The following GTF3C6 variants were observed in gnomAD, a reference collection of about 807,000 sequenced individuals.
GTF3C6 encodes general transcription factor 3C polypeptide 6.
GTF3C6 carries 11 observed loss-of-function variants against 19.2 expected under a neutral mutation model. The observed-to-expected ratio is 0.57, with a 90% confidence interval of 0.36 to 0.95. The LOEUF (loss-of-function observed/expected upper bound fraction) is 0.95. Among genes scored for constraint, GTF3C6 ranks in the 40% least tolerant of loss-of-function variants. The pLI is 0.01. For missense variants in GTF3C6, 222 were observed against 254.7 expected (o/e 0.87, Z 0.87); for synonymous variants, 87 against 84.2 (o/e 1.03, Z -0.18).
At chr6:110,961,552 TC>T (rs1771160726) in intron 4 of GTF3C6, among the ~76,000 whole-genome samples, 2 of 152,318 alleles carry the variant, frequency 1.3e-5, no homozygotes, top group Admixed American at 1.3e-4. Flanking sequence ...TGTCTGTGCT[TC>T]ATATCCTTGG....
chr6:110,959,968 A>C (rs202128515), intron 2 of GTF3C6, among the ~76,000 whole-genome samples: 7 of 151,480 alleles, frequency 4.6e-5, no homozygotes, highest in Non-Finnish European at 8.8e-5. Flanking sequence ...CAATAAAAAA[A>C]AAAAATAATA....
chr6:110,959,730 C>T (rs939171859), intron 2 of GTF3C6, among the ~76,000 whole-genome samples: 5 of 152,006 alleles, frequency 3.3e-5, no homozygotes, highest in African/African-American at 1.2e-4. Flanking sequence ...GAGGCCGAGG[C>T]GGGTAGATCA....
At chr6:110,959,954 A>G (rs1429111777) in intron 2 of GTF3C6, among the ~76,000 whole-genome samples, 4 of 138,890 alleles carry the variant, frequency 2.9e-5, no homozygotes, top group Admixed American at 2.8e-4. Context: ...GCAAAACTCC[A>G]TCTCAATAAA....
chr6:110,963,991 C>T (rs1279787074), intron 5 of GTF3C6, among the ~76,000 whole-genome samples: 1 of 151,878 alleles, frequency 6.6e-6, no homozygotes, highest in East Asian at 1.9e-4. Flanking sequence ...TGTGAGCCAC[C>T]GCCCCTGGCC....
At position 110,959,441 on chromosome 6, in the gene GTF3C6, G is replaced by C. The variant is rs564809003; in HGVS notation, c.138+189G>C. Among the ~76,000 whole-genome samples, 5 of 152,250 alleles carry C rather than the reference G, an allele frequency of 3.3e-5. 1 individual carries two copies. The highest frequency in any genetic ancestry group is 3.3e-4 in the Admixed American group (5 of 15,286). On this transcript the variant is annotated intron_variant, in intron 2 of 5. Transcript: ENST00000329970. ...ATTAAGTATAATGTAGAAGTACAGCGGGGACTATGGGAGCAGATAGGAGAA... is the reference window on the plus strand; with the variant it reads ...ATTAAGTATAATGTAGAAGTACAGCCGGGACTATGGGAGCAGATAGGAGAA...
At chr6:110,964,534 C>T (rs771205936) in intron 5 of GTF3C6, among the ~76,000 whole-genome samples, 6 of 152,098 alleles carry the variant, frequency 3.9e-5, no homozygotes, top group Admixed American at 6.6e-5. Context: ...GATGCTGCAC[C>T]CAGCCTTTGT....
intron 2 of GTF3C6, among the ~76,000 whole-genome samples, chr6:110,960,105 A>G (rs1030681944): frequency 1.3e-5 from 2 of 152,132 alleles, no homozygotes; most frequent in Non-Finnish European, 2.9e-5. Context: ...AGAGCTAGAC[A>G]CTGTCTCAAA....
intron 2 of GTF3C6, among the ~76,000 whole-genome samples, chr6:110,959,655 C>T (rs911450190): frequency 6.6e-6 from 1 of 151,816 alleles, no homozygotes; most frequent in Non-Finnish European, 1.5e-5. Context: ...GAGACCCCTT[C>T]TCTAAAATAA....
rs752481338 is a variant in GTF3C6 at position 110,967,487 on chromosome 6, A to T, written c.362-23A>T. On this transcript the variant is annotated intron_variant, in intron 5 of 5. Coordinates refer to ENST00000329970, the MANE Select transcript of GTF3C6 (RefSeq NM_138408.4). ...TCATTTTTTGTTTCTTTTTTTGTTT[A>T]TTCCTCATCCCCTCCAAATTAGGTG... The T allele has an allele frequency of 6.4e-7, 1 of 1,563,796 alleles. No individual in the cohort carries two copies. The highest frequency in any genetic ancestry group is 2.1e-5 in the Admixed American group (1 of 48,044).
rs766271471 is a variant in GTF3C6 at position 110,958,735 on chromosome 6, T to G, written c.-35T>G. 6.5e-7 allele frequency: 1 copy of G among 1,549,578 alleles called. No individual in the cohort carries two copies. Among genetic ancestry groups the G allele is most frequent in the Admixed American group, 2.0e-5 (1 of 50,988 alleles). On this transcript the variant is annotated 5_prime_UTR_variant, in exon 1 of 6. Transcript: ENST00000329970. ...TCAAGATGGCGGCTCCGGGCGGGCG[T>G]GGCCAGTGACTAGAAGGCGAGGCGC...
Position 110,959,201 on chromosome 6 carries a change from A to C in GTF3C6, c.87A>C (p.Gly29=), listed in dbSNP as rs748951066. 6.2e-7 allele frequency: 1 copy of C among 1,612,952 alleles called. No homozygotes were observed. The highest frequency in any genetic ancestry group is 8.5e-7 in the Non-Finnish European group (1 of 1,179,022). ...AGTTGGTTCTGGTGGAATTATCAGG[A>C]ATTATTGATTCAGACTTCCTCTCAA... is the stretch of plus-strand genomic sequence containing the variant. ...EEQLVLVELS[G]IIDSDFLSKC... Residue 29 remains glycine (G), a synonymous_variant, in exon 2 of 6, where the codon GGA becomes GGC. Coordinates refer to ENST00000329970, the MANE Select transcript of GTF3C6 (RefSeq NM_138408.4).
At chr6:110,960,221 T>TGA (rs1430948174) in intron 2 of GTF3C6, among the ~76,000 whole-genome samples, 193 bp from the exon 3 acceptor site, 1 of 152,190 alleles carries the variant, frequency 6.6e-6, no homozygotes, top group Non-Finnish European at 1.5e-5. Flanking sequence ...CCTTGTTACT[T>TGA]GAGTATGAAT....
In GTF3C6 at chr6:110,960,485, G is replaced by A. The variant is rs969150749; in HGVS notation, c.202+8G>A. On this transcript the variant is annotated splice_region_variant and intron_variant, in intron 3 of 5. Coordinates refer to ENST00000329970, the MANE Select transcript of GTF3C6 (RefSeq NM_138408.4). ...TTGCTGGGGAGTATGAAGGTAGGAG[G>A]ATGTCAGATAGATGGAACTCTTTCT... is the stretch of plus-strand genomic sequence containing the variant. 40 of 1,613,536 alleles carry A rather than the reference G, an allele frequency of 2.5e-5. No individual in the cohort carries two copies. Among genetic ancestry groups the A allele is most frequent in the Non-Finnish European group, 3.2e-5 (38 of 1,179,692 alleles).
chr6:110,964,445 A>G (rs1771203079), intron 5 of GTF3C6, among the ~76,000 whole-genome samples: 1 of 151,538 alleles, frequency 6.6e-6, no homozygotes, highest in Non-Finnish European at 1.5e-5. Context: ...GGGTTTCACC[A>G]TGTTGGTCAG....
intron 1 of GTF3C6, 100 bp downstream of exon 1, chr6:110,958,926 G>A: frequency 7.5e-7 from 1 of 1,329,432 alleles, no homozygotes; most frequent in Non-Finnish European, 1.0e-6. Flanking sequence ...CCGGAGGGAG[G>A]CCCCACTGCT....
intron 5 of GTF3C6, among the ~76,000 whole-genome samples, 167 bp downstream of exon 5, chr6:110,962,672 G>A (rs539734225): frequency 5.5e-4 from 83 of 152,044 alleles, no homozygotes; most frequent in African/African-American, 1.8e-3. Context: ...GCACAATCTC[G>A]GCTCACTGCC....
intron 2 of GTF3C6, among the ~76,000 whole-genome samples, chr6:110,959,669 TA>T (rs111788821): frequency 4.0e-5 from 6 of 150,230 alleles, no homozygotes; most frequent in Non-Finnish European, 5.9e-5. Context: ...AAAATAATAA[TA>T]AAAAAAAATG....
intron 4 of GTF3C6, 136 bp downstream of exon 4, chr6:110,960,752 A>T (rs1180890596): frequency 8.4e-5 from 24 of 285,872 alleles, no homozygotes; most frequent in Non-Finnish European, 1.2e-4. Context: ...GATTATAGTT[A>T]AAAAAAAAAA....
rs762219073 is a variant in GTF3C6, at chr6:110,966,443, C to T, written c.362-1067C>T. On this transcript the variant is annotated intron_variant, in intron 5 of 5. Transcript: ENST00000329970. ...AGTGAGCCGAGATCATGCTACTGCACTCCAGCCTGGGTGACAAAGTGAGAC... is the reference window on the plus strand; with the variant it reads ...AGTGAGCCGAGATCATGCTACTGCATTCCAGCCTGGGTGACAAAGTGAGAC... Among the ~76,000 whole-genome samples, 107 of 152,202 alleles carry T rather than the reference C, an allele frequency of 7.0e-4. 1 individual carries two copies. The highest frequency in any genetic ancestry group is 1.9e-3 in the South Asian group (9 of 4,824).
Sources: allele counts gnomAD v4.1 joint callset (sites outside exome capture counted in the v4.1 genomes callset), GRCh38; gene constraint gnomAD v4.1.1; transcripts MANE v1.5; gene names NCBI Gene and HGNC (gene_info 2026-07-23, HGNC 2026-07-21).